The following GALNT15 variants were observed in gnomAD, a reference collection of about 807,000 sequenced individuals.
The protein encoded by GALNT15 is polypeptide N-acetylgalactosaminyltransferase 15.
A neutral mutation model predicts 66.8 loss-of-function variants in GALNT15; 67 were observed. The observed-to-expected ratio is 1.00, with a 90% CI of 0.82 to 1.23. The LOEUF is 1.23. Among genes scored for constraint, GALNT15 ranks in the 50% most tolerant of loss-of-function variants. GALNT15 has a pLI of 0.00. For synonymous variants in GALNT15, 313 were observed against 311.5 expected (o/e 1.00, Z -0.05); for missense variants, 827 against 804.3 (o/e 1.03, Z -0.34).
chr3:16,221,961 T>C (rs1303409537), intron 8 of GALNT15, among the ~76,000 whole-genome samples: 3 of 152,196 alleles, frequency 2.0e-5, no homozygotes, highest in East Asian at 1.9e-4. Context: ...CATCTAAGCA[T>C]GAGGCCCCAT....
Position 16,200,260 on chromosome 3 carries a change from A to T in GALNT15, c.707-359A>T, listed in dbSNP as rs941173879. Among the ~76,000 whole-genome samples the T allele has an allele frequency of 2.6e-5, 4 of 152,136 alleles. No individual in the cohort carries two copies. Among genetic ancestry groups the T allele is most frequent in the African/African-American group, 9.7e-5 (4 of 41,424 alleles). On this transcript the variant is annotated intron_variant, in intron 2 of 9. Coordinates refer to ENST00000339732, the MANE Select transcript of GALNT15 (RefSeq NM_054110.5). This position sits in a 1 kb window ranked among gnomAD's most constrained non-coding sequence, Gnocchi z 4.4. Reference sequence around the variant, plus strand: ...CAGGTCCCTCCCTCGCCACATAGGGATTATGGGGATTACCACTCAAGATGA... The same window carrying T: ...CAGGTCCCTCCCTCGCCACATAGGGTTTATGGGGATTACCACTCAAGATGA...
At position 16,225,089 on chromosome 3, in the gene GALNT15, A is replaced by G. The variant is rs966973862; in HGVS notation, c.1774-2265A>G. Among the ~76,000 whole-genome samples, 4 of 152,188 alleles carry G rather than the reference A, an allele frequency of 2.6e-5. No homozygotes were observed. Among genetic ancestry groups the G allele is most frequent in the Non-Finnish European group, 5.9e-5 (4 of 68,020 alleles). Reference sequence around the variant, plus strand: ...GCCTCAGAGAGCTTTTACTTATGGCAGAAGATGAAGTGGGAGCAGGCATAT... The same window carrying G: ...GCCTCAGAGAGCTTTTACTTATGGCGGAAGATGAAGTGGGAGCAGGCATAT... On this transcript the variant is annotated intron_variant, in intron 9 of 9. Coordinates refer to ENST00000339732, the MANE Select transcript of GALNT15 (RefSeq NM_054110.5). The surrounding 1 kb of genome is among the most constrained non-coding windows in gnomAD (Gnocchi z 4.4).
chr3:16,228,018 A>T lies in GALNT15; in HGVS notation c.*518A>T. 1.0e-6 allele frequency: 1 copy of T among 987,608 alleles called. No individual in the cohort carries two copies. The highest frequency in any genetic ancestry group is 1.2e-6 in the Non-Finnish European group (1 of 831,332). 61.2% of individuals were successfully genotyped at this position (987,608 alleles called of 1,614,324 possible). ...GTGTTCATTTGTTGAGCCATATCTC[A>T]GAAGAAGGAAAGGGAGCTACAGAAA... On this transcript the variant is annotated 3_prime_UTR_variant, in exon 10 of 10. Transcript: ENST00000339732.
chr3:16,220,544 C>T (rs1013568188), intron 8 of GALNT15, among the ~76,000 whole-genome samples: 3 of 152,240 alleles, frequency 2.0e-5, no homozygotes, highest in Non-Finnish European at 4.4e-5. Flanking sequence ...AAATCCTCCA[C>T]CGATGCTAGC....
rs532003262 is a variant in GALNT15, at chr3:16,179,352, C to T, written c.539+3662C>T. Among the ~76,000 whole-genome samples the T allele has an allele frequency of 6.6e-5, 10 of 152,322 alleles. No individual in the cohort carries two copies. In the South Asian group the frequency reaches 1.9e-3, roughly 28 times the overall value. On this transcript the variant is annotated intron_variant, in intron 1 of 9. Transcript: ENST00000339732. ...AGTCATACTCTTAACCACCACACTA[C>T]ACTTTGCCAGTCTGCCACTCTCCAG...
At chr3:16,226,113 T>G (rs1383086761) in intron 9 of GALNT15, among the ~76,000 whole-genome samples, 1 of 151,996 alleles carries the variant, frequency 6.6e-6, no homozygotes, top group African/African-American at 2.4e-5. Context: ...ATTTATATAG[T>G]TCCATTTATA....
Position 16,188,968 on chromosome 3 carries a change from T to A in GALNT15, c.540-6792T>A, listed in dbSNP as rs2063546766. 6.6e-6 allele frequency among the ~76,000 whole-genome samples: 1 copy of A among 152,126 alleles called. No homozygotes were observed. Among genetic ancestry groups the A allele is most frequent in the South Asian group, 2.1e-4 (1 of 4,826 alleles). ...GTAGGGCCATACCATCTGGACCATTTCTTATTGTCTCCTCAGCATCTCCCA... is the reference window on the plus strand; with the variant it reads ...GTAGGGCCATACCATCTGGACCATTACTTATTGTCTCCTCAGCATCTCCCA... On this transcript the variant is annotated intron_variant, in intron 1 of 9. Coordinates refer to ENST00000339732, the MANE Select transcript of GALNT15 (RefSeq NM_054110.5). The surrounding 1 kb of genome is among the most constrained non-coding windows in gnomAD (Gnocchi z 4.6).
Position 16,212,669 on chromosome 3 carries a change from C to T in GALNT15, c.1298C>T (p.Thr433Ile), listed in dbSNP as rs772534105. The T allele has an allele frequency of 2.5e-6, 4 of 1,614,066 alleles. No homozygotes were observed. The Admixed American group carries it at 5.0e-5, about 20-fold the overall frequency. ...DSHSPLDQEA[T>I]LRNRVRIAET... The stretch of plus-strand genomic sequence containing the variant: ...CATTCCCCCCTCGACCAGGAGGCCA[C>T]CCTGAGGAACAGGGTTCGCATTGCT... The change falls in exon 6 of 10, where the codon ACC becomes ATC. Residue 433 changes from threonine to isoleucine, a missense_variant. By Grantham distance (89) the Thr-to-Ile change is moderately conservative. Coordinates refer to ENST00000339732, the MANE Select transcript of GALNT15 (RefSeq NM_054110.5).
In GALNT15 at chr3:16,219,891, T is replaced by C. The variant is rs2124898817; in HGVS notation, c.1525-19T>C. The C allele has an allele frequency of 6.3e-7, 1 of 1,593,218 alleles. No homozygotes were observed. ...CAGTGGAATCTGGAATTCACTCCTG[T>C]GTGTGTGTCCACTTTCAGCTCCACA... On this transcript the variant is annotated intron_variant, in intron 7 of 9. Coordinates refer to ENST00000339732, the MANE Select transcript of GALNT15 (RefSeq NM_054110.5). This position sits in a 1 kb window ranked among gnomAD's most constrained non-coding sequence, Gnocchi z 4.3.
chr3:16,208,853 G>C (rs41284041), intron 4 of GALNT15, among the ~76,000 whole-genome samples, 183 bp downstream of exon 4: 8,882 of 152,246 alleles, frequency 0.058, 328 homozygotes, highest in African/African-American at 0.087. Flanking sequence ...ACCCTATAAG[G>C]GTTGTTGTGA....
At chr3:16,179,981 T>A (rs2063452317) in intron 1 of GALNT15, among the ~76,000 whole-genome samples, 1 of 152,192 alleles carries the variant, frequency 6.6e-6, no homozygotes, top group African/African-American at 2.4e-5. Flanking sequence ...AGCTCTCCTT[T>A]GATCATCCTG....
chr3:16,228,729 G>C lies in GALNT15; in HGVS notation c.*1229G>C. ...CAGAAACAGCAACCTTTCTAAAAAAGCAAACCTTTTTCCTGGGAGGAAAAT... is the reference window on the plus strand; with the variant it reads ...CAGAAACAGCAACCTTTCTAAAAAACCAAACCTTTTTCCTGGGAGGAAAAT... On this transcript the variant is annotated 3_prime_UTR_variant, in exon 10 of 10. Coordinates refer to ENST00000339732, the MANE Select transcript of GALNT15 (RefSeq NM_054110.5). The C allele has an allele frequency of 1.0e-6, 1 of 985,254 alleles. No individual in the cohort carries two copies. The highest frequency in any genetic ancestry group is 1.2e-6 in the Non-Finnish European group (1 of 829,924). The allele number at this position is 985,254 out of a possible 1,614,324, so 61.0% of individuals were successfully genotyped here.
the GALNT15 span, among the ~76,000 whole-genome samples, chr3:16,239,142 T>C: frequency 6.6e-6 from 1 of 152,184 alleles, no homozygotes; most frequent in African/African-American, 2.4e-5. The surrounding 1 kb of genome is among the most constrained non-coding windows in gnomAD (Gnocchi z 5.2). Flanking sequence ...TAATAATGTC[T>C]TTCTCTTCAC....
In GALNT15 at chr3:16,187,263, CA is replaced by C. The variant is rs79352527; in HGVS notation, c.540-8487del. 6.7e-5 allele frequency among the ~76,000 whole-genome samples: 10 copies of C among 149,658 alleles called. No individual in the cohort carries two copies. The highest frequency in any genetic ancestry group is 2.1e-4 in the South Asian group (1 of 4,750). On this transcript the variant is annotated intron_variant, in intron 1 of 9. Transcript: ENST00000339732. The surrounding 1 kb of genome is among the most constrained non-coding windows in gnomAD (Gnocchi z 5.1). ...TGGGTGACAGAACAAGACTCCATCTCAAAAAAAAAATTAGTGATTTCAAACA... is the reference window on the plus strand; with the variant it reads ...TGGGTGACAGAACAAGACTCCATCTCAAAAAAAAATTAGTGATTTCAAACA...
At position 16,211,925 on chromosome 3, in the gene GALNT15, G is replaced by C. The variant is rs1422299439; in HGVS notation, c.1198-644G>C. 6.6e-6 allele frequency among the ~76,000 whole-genome samples: 1 copy of C among 152,078 alleles called. No individual in the cohort carries two copies. Among genetic ancestry groups the C allele is most frequent in the Non-Finnish European group, 1.5e-5 (1 of 68,006 alleles). On this transcript the variant is annotated intron_variant, in intron 5 of 9. Coordinates refer to ENST00000339732, the MANE Select transcript of GALNT15 (RefSeq NM_054110.5). The surrounding 1 kb of genome is among the most constrained non-coding windows in gnomAD (Gnocchi z 4.3). ...CCTATGAGTTTGCTGTGGCACCCTG[G>C]GGCACCTTGGCACATAATTTGGGAA...
chr3:16,243,954 A>G, the GALNT15 span: 8 of 978,818 alleles, frequency 8.2e-6, no homozygotes, highest in Non-Finnish European at 7.3e-6. Flanking sequence ...ATGTTAAGTA[A>G]GGAGCGGGCT....
At position 16,180,398 on chromosome 3, in the gene GALNT15, C is replaced by G. The variant is rs1164061852; in HGVS notation, c.539+4708C>G. On this transcript the variant is annotated intron_variant, in intron 1 of 9. Transcript: ENST00000339732. The surrounding 1 kb of genome is among the most constrained non-coding windows in gnomAD (Gnocchi z 5.0). ...GCAGCCTCAGATGCTCCATTTCTAT[C>G]AAAGGCACTCCAAGGTGGCACCAGC... Among the ~76,000 whole-genome samples, 1 of 152,206 alleles carries G rather than the reference C, an allele frequency of 6.6e-6. No homozygotes were observed. Among genetic ancestry groups the G allele is most frequent in the East Asian group, 1.9e-4 (1 of 5,194 alleles).
At chr3:16,245,753 C>T in the GALNT15 span, among the ~76,000 whole-genome samples, 1 of 152,208 alleles carries the variant, frequency 6.6e-6, no homozygotes, top group Admixed American at 6.5e-5. Flanking sequence ...CGGCTTCTTC[C>T]ACATGGAGGA....
intron 1 of GALNT15, among the ~76,000 whole-genome samples, chr3:16,177,820 C>T (rs2063426551): frequency 6.6e-6 from 1 of 152,112 alleles, no homozygotes; most frequent in African/African-American, 2.4e-5. Context: ...GCTATAAATG[C>T]ATTGTGTGAA....
Sources: gnomAD v4.1 joint callset for allele counts (sites outside exome capture counted in the v4.1 genomes callset) on GRCh38, gnomAD v4.1.1 for gene constraint, Gnocchi (gnomAD v3.1) non-coding constraint, MANE v1.5 for transcripts, NCBI Gene and HGNC (gene_info 2026-07-23, HGNC 2026-07-21) for gene names.